The following CACNA1D variants were observed in gnomAD, a reference collection of about 807,000 sequenced individuals.
CACNA1D encodes voltage-dependent L-type calcium channel subunit alpha-1D.
CACNA1D carries 55 observed loss-of-function variants against 257.1 expected under a neutral mutation model. The ratio of observed to expected loss-of-function variants is 0.21; its 90% CI spans 0.17 to 0.27. CACNA1D has a LOEUF of 0.27. CACNA1D is among the 10% of genes least tolerant of loss of function. The probability of loss-of-function intolerance (pLI) is 1.00; values close to 1 mark genes in which losing one functional copy is unlikely to be tolerated. For synonymous variants in CACNA1D, 980 were observed against 1,014.9 expected (o/e 0.97, Z 0.65); for missense variants, 1,876 against 2,784.0 (o/e 0.67, Z 7.34).
rs778280814 is a variant in CACNA1D, at chr3:53,740,331, C to T, written c.2803C>T (p.Leu935=). The T allele has an allele frequency of 2.5e-6, 4 of 1,608,136 alleles. No homozygotes were observed. The South Asian group carries it at 4.4e-5, about 18-fold the overall frequency. ...CACAGCCATCTTTACTGTTGAGATCCTGTTGAAGGTAATGAATTTTCCTTG... is the reference window on the plus strand; with the variant it reads ...CACAGCCATCTTTACTGTTGAGATCTTGTTGAAGGTAATGAATTTTCCTTG... ...AFTAIFTVEI[L]LKMTTFGAFL... The change falls in exon 21 of 48, where the codon CTG becomes TTG. Residue 935 remains leucine, a synonymous_variant. Transcript: ENST00000350061.
chr3:53,637,039 C>CTT (rs199713851), intron 3 of CACNA1D, among the ~76,000 whole-genome samples: 6 of 151,420 alleles, frequency 4.0e-5, no homozygotes, highest in African/African-American at 1.5e-4. Flanking sequence ...TTTCCTCGCT[C>CTT]TTTTTTTTTC....
intron 23 of CACNA1D, 140 bp downstream of exon 23, chr3:53,744,967 C>T: frequency 1.6e-6 from 1 of 642,234 alleles, no homozygotes; most frequent in South Asian, 1.8e-5. Context: ...ATTCAGCCAC[C>T]TGTGCCAAGT....
intron 21 of CACNA1D, among the ~76,000 whole-genome samples, chr3:53,740,926 T>C (rs2095111238): frequency 6.6e-6 from 1 of 152,226 alleles, no homozygotes; most frequent in African/African-American, 2.4e-5. Flanking sequence ...CACTATTTTC[T>C]TGCAATAGGA....
chr3:53,674,020 G>A, intron 8 of CACNA1D: 1 of 641,480 alleles, frequency 1.6e-6, no homozygotes, highest in Non-Finnish European at 2.8e-6. Context: ...GCCAAACACT[G>A]TTAATTTAAT....
chr3:53,731,442 G>A (rs996763137), intron 17 of CACNA1D, among the ~76,000 whole-genome samples: 18 of 152,212 alleles, frequency 1.2e-4, no homozygotes, highest in African/African-American at 4.3e-4. Context: ...CCCGTGGTCA[G>A]GATCACGTTA....
At chr3:53,561,741 G>A (rs965414202) in intron 3 of CACNA1D, among the ~76,000 whole-genome samples, 13 of 152,102 alleles carry the variant, frequency 8.5e-5, no homozygotes, top group Non-Finnish European at 1.5e-4. Context: ...GGTATAAGTC[G>A]GTGATAAATG....
intron 40 of CACNA1D, chr3:53,796,434 A>C (rs1172189880): frequency 6.6e-6 from 3 of 455,504 alleles, no homozygotes; most frequent in Non-Finnish European, 1.3e-5. Context: ...GCACTTGTGC[A>C]TGCTTGCTGT....
At chr3:53,576,572 AC>A (rs1218886300) in intron 3 of CACNA1D, among the ~76,000 whole-genome samples, 2 of 152,094 alleles carry the variant, frequency 1.3e-5, no homozygotes, top group Non-Finnish European at 2.9e-5. Flanking sequence ...CTGTGGGAAG[AC>A]CCCATAACCC....
At chr3:53,683,402 T>C (rs1472990327) in intron 8 of CACNA1D, among the ~76,000 whole-genome samples, 2 of 152,148 alleles carry the variant, frequency 1.3e-5, no homozygotes, top group African/African-American at 2.4e-5. Context: ...TTAAAAAGCA[T>C]AGAAACAAGC....
Position 53,623,932 on chromosome 3 carries a change from G to A in CACNA1D, c.484-26847G>A, listed in dbSNP as rs188570593. Among the ~76,000 whole-genome samples the A allele has an allele frequency of 8.9e-4, 136 of 152,268 alleles. 1 individual carries two copies. The highest frequency in any genetic ancestry group is 2.6e-3 in the African/African-American group (110 of 41,546). On this transcript the variant is annotated intron_variant, in intron 3 of 47. Coordinates refer to ENST00000350061, the MANE Select transcript of CACNA1D (RefSeq NM_001128840.3). The stretch of plus-strand genomic sequence containing the variant: ...GATTGGGAAATTAGTGATCGGGGAC[G>A]GTGCAGAGTTCATAAATAATTTAAA...
chr3:53,690,747 C>G (rs2094512078), intron 8 of CACNA1D, among the ~76,000 whole-genome samples: 1 of 152,202 alleles, frequency 6.6e-6, no homozygotes, highest in Non-Finnish European at 1.5e-5. Flanking sequence ...CTTGGGTCCA[C>G]AGTGCTCCTC....
Position 53,495,286 on chromosome 3 carries a change from C to T in CACNA1D, c.67+53C>T. 4 of 1,605,402 alleles carry T rather than the reference C, an allele frequency of 2.5e-6. No homozygotes were observed. Among genetic ancestry groups the T allele is most frequent in the Non-Finnish European group, 3.4e-6 (4 of 1,173,836 alleles). Reference sequence around the variant, plus strand: ...TGCCAAATCCGATCCTGTCATGGTCCTCCAGCCCCCTCCCCCTTCCCCGCG... The same window carrying T: ...TGCCAAATCCGATCCTGTCATGGTCTTCCAGCCCCCTCCCCCTTCCCCGCG... On this transcript the variant is annotated intron_variant, in intron 1 of 47. Transcript: ENST00000350061. The surrounding 1 kb of genome is among the most constrained non-coding windows in gnomAD (Gnocchi z 5.1).
intron 10 of CACNA1D, chr3:53,718,601 C>CCCCCCCCCCACA: frequency 9.1e-7 from 1 of 1,103,200 alleles, no homozygotes. Context: ...CCCCCCGGCC[C>CCCCCCCCCCACA]AGCATTTCAC....
intron 8 of CACNA1D, among the ~76,000 whole-genome samples, chr3:53,677,676 C>A (rs941288003): frequency 5.9e-5 from 9 of 152,196 alleles, no homozygotes; most frequent in Non-Finnish European, 1.3e-4. Flanking sequence ...AATGTGGAAG[C>A]ACTGTGTCAG....
At chr3:53,625,111 G>A (rs1310592450) in intron 3 of CACNA1D, among the ~76,000 whole-genome samples, 1 of 152,146 alleles carries the variant, frequency 6.6e-6, no homozygotes, top group Non-Finnish European at 1.5e-5. Context: ...AGCAGGCAGA[G>A]CTCAGTACAG....
At chr3:53,730,366 G>T in intron 15 of CACNA1D, 76 bp from the exon 16 acceptor site, 1 of 925,986 alleles carries the variant, frequency 1.1e-6, no homozygotes, top group Non-Finnish European at 1.8e-6. Context: ...GGATGCAGAG[G>T]TGTGTGGCGT....
intron 4 of CACNA1D, among the ~76,000 whole-genome samples, chr3:53,651,454 A>C (rs1473195900): frequency 1.5e-5 from 2 of 137,858 alleles, no homozygotes; most frequent in Non-Finnish European, 3.0e-5. Flanking sequence ...AAGTGTCTGG[A>C]TAATGTCACG....
At chr3:53,777,068 C>T (rs1331769573) in intron 37 of CACNA1D, 112 bp downstream of exon 37, 1 of 792,702 alleles carries the variant, frequency 1.3e-6, no homozygotes, top group Non-Finnish European at 2.2e-6. Context: ...AGGGATGCAG[C>T]AATGAATAAT....
At chr3:53,724,040 A>G (rs2108725307) in intron 14 of CACNA1D, 41 bp downstream of exon 14, 1 of 1,522,598 alleles carries the variant, frequency 6.6e-7, no homozygotes, top group Non-Finnish European at 9.1e-7. Context: ...CTTCGTGAGC[A>G]GCAGCTAAAA....
Sources: gnomAD v4.1 joint callset for allele counts (sites outside exome capture counted in the v4.1 genomes callset) on GRCh38, gnomAD v4.1.1 for gene constraint, Gnocchi (gnomAD v3.1) non-coding constraint, MANE v1.5 for transcripts, NCBI Gene and HGNC (gene_info 2026-07-23, HGNC 2026-07-21) for gene names.